The following NUP85 variants were observed in gnomAD, a reference collection of about 807,000 sequenced individuals.
The protein encoded by NUP85 is nuclear pore complex protein Nup85.
Under a neutral mutation model 92.8 loss-of-function variants are expected in NUP85, and 23 were observed. That is an observed-to-expected ratio of 0.25 (90% CI 0.18 to 0.35). The LOEUF (loss-of-function observed/expected upper bound fraction) is 0.35. Ranked by LOEUF, NUP85 falls within the 10% of genes least tolerant of loss-of-function variation. NUP85 has a pLI of 1.00. For synonymous variants in NUP85, 314 were observed against 306.9 expected (o/e 1.02, Z -0.24); for missense variants, 759 against 822.8 (o/e 0.92, Z 0.95).
chr17:75,233,659 C>A (rs1187390231), intron 16 of NUP85, among the ~76,000 whole-genome samples: 1 of 149,976 alleles, frequency 6.7e-6, no homozygotes, highest in African/African-American at 2.5e-5. Flanking sequence ...AGTGCAGTGG[C>A]GTGATCTCGG....
Position 75,231,499 on chromosome 17 carries a change from A to G in NUP85, c.1179-74A>G. 1 of 1,609,330 alleles carries G rather than the reference A, an allele frequency of 6.2e-7. No individual in the cohort carries two copies. Among genetic ancestry groups the G allele is most frequent in the Non-Finnish European group, 8.5e-7 (1 of 1,175,674 alleles). The stretch of plus-strand genomic sequence containing the variant: ...AGGGTGGTGTGAACTGAATGCCTGA[A>G]AGGGAGGTTGGGCTAAGGGGGCCCT... On this transcript the variant is annotated intron_variant, in intron 12 of 18. Transcript: ENST00000245544. This position sits in a 1 kb window ranked among gnomAD's most constrained non-coding sequence, Gnocchi z 4.6.
At chr17:75,222,832 A>G (rs543660270) in intron 7 of NUP85, among the ~76,000 whole-genome samples, 124 of 151,918 alleles carry the variant, frequency 8.2e-4, no homozygotes, top group Non-Finnish European at 1.5e-3. Context: ...TCAGGAGATC[A>G]AGACCATCCT....
intron 11 of NUP85, chr17:75,227,110 G>A (rs932995080): frequency 2.5e-5 from 4 of 158,536 alleles, no homozygotes; most frequent in African/African-American, 9.6e-5. Flanking sequence ...CACTGAAGAC[G>A]TGCTGGGAAG....
chr17:75,215,191 A>G (rs1425027296), intron 5 of NUP85, among the ~76,000 whole-genome samples: 1 of 151,998 alleles, frequency 6.6e-6, no homozygotes, highest in East Asian at 1.9e-4. Flanking sequence ...ATAAATAATA[A>G]CTGGTGACAT....
intron 7 of NUP85, among the ~76,000 whole-genome samples, chr17:75,224,303 C>T (rs2075695096): frequency 6.6e-6 from 1 of 151,982 alleles, no homozygotes; most frequent in African/African-American, 2.4e-5. Flanking sequence ...TCTTGGCCTC[C>T]CAAAGTGCTG....
rs555989826 is a variant in NUP85 at position 75,231,223 on chromosome 17, C to G, written c.1095-117C>G. ...GGATCACGGGCATGAGCTATCATCA[C>G]GCCCGGCCCCATCTCTTTGAGGGAC... On this transcript the variant is annotated intron_variant, in intron 11 of 18. Transcript: ENST00000245544. This position sits in a 1 kb window ranked among gnomAD's most constrained non-coding sequence, Gnocchi z 4.6. 3.1e-6 allele frequency: 3 copies of G among 953,868 alleles called. No individual in the cohort carries two copies. Among genetic ancestry groups the G allele is most frequent in the Non-Finnish European group, 3.3e-6 (2 of 602,244 alleles). The allele number at this position is 953,868 out of a possible 1,614,324, so 59.1% of individuals were successfully genotyped here. A position where few individuals can be genotyped will look rare whatever the true frequency, so the allele number is the denominator to read the frequency against.
intron 7 of NUP85, among the ~76,000 whole-genome samples, chr17:75,220,180 A>C (rs1359700652): frequency 6.6e-6 from 1 of 152,018 alleles, no homozygotes; most frequent in Admixed American, 6.6e-5. Context: ...GCTGGAGTGC[A>C]GTGGCGCCAT....
chr17:75,214,481 A>G (rs1264704179), intron 5 of NUP85, among the ~76,000 whole-genome samples: 3 of 152,180 alleles, frequency 2.0e-5, no homozygotes, highest in African/African-American at 7.2e-5. Flanking sequence ...TGCTCTGTCT[A>G]CGTGTTTCAT....
chr17:75,234,815 C>G (rs1478598672), intron 17 of NUP85, 27 bp downstream of exon 17: 1 of 1,613,058 alleles, frequency 6.2e-7, no homozygotes, highest in East Asian at 2.2e-5. Flanking sequence ...CAGTGGTTTT[C>G]TTTGCTTGTC....
chr17:75,222,636 G>T (rs780072934), intron 7 of NUP85, among the ~76,000 whole-genome samples: 39 of 151,502 alleles, frequency 2.6e-4, no homozygotes, highest in Non-Finnish European at 2.9e-4. Context: ...GTTCCTGCAA[G>T]CCTCTGGTCA....
At chr17:75,206,223 T>C (rs971690799) in intron 1 of NUP85, among the ~76,000 whole-genome samples, 7 of 152,170 alleles carry the variant, frequency 4.6e-5, no homozygotes, top group Non-Finnish European at 7.3e-5. Flanking sequence ...ACTATTCCTG[T>C]TTTATCGCTG....
At chr17:75,210,561 G>C (rs1408654093) in intron 3 of NUP85, among the ~76,000 whole-genome samples, 1 of 152,156 alleles carries the variant, frequency 6.6e-6, no homozygotes, top group Non-Finnish European at 1.5e-5. Context: ...TTAGATTTTT[G>C]TCAGCGTCCC....
chr17:75,228,030 AAC>A (rs2075890539), intron 11 of NUP85: 1 of 191,660 alleles, frequency 5.2e-6, no homozygotes. Flanking sequence ...ATAACTTAAA[AAC>A]ACACAAACAC....
intron 7 of NUP85, among the ~76,000 whole-genome samples, chr17:75,220,317 G>A (rs1481351241): frequency 6.6e-6 from 1 of 151,834 alleles, no homozygotes; most frequent in African/African-American, 2.4e-5. Flanking sequence ...TAGGGATGGG[G>A]TTTTACCATA....
At chr17:75,232,353 A>G (rs189724608) in intron 14 of NUP85, among the ~76,000 whole-genome samples, 2 of 152,306 alleles carry the variant, frequency 1.3e-5, no homozygotes, top group East Asian at 3.9e-4. Flanking sequence ...AGAAAAGCAG[A>G]GAGAGTGGAA....
At chr17:75,209,208 G>A (rs1450784618) in intron 2 of NUP85, among the ~76,000 whole-genome samples, 3 of 152,064 alleles carry the variant, frequency 2.0e-5, no homozygotes, top group Admixed American at 1.3e-4. Flanking sequence ...ATGCTTGGCC[G>A]TCACTTTTGT....
Position 75,225,137 on chromosome 17 carries a change from A to C in NUP85, c.632A>C (p.Glu211Ala). ...TTGGTGCTGCAGGGCCGGCTGGATG[A>C]GGCCCGACAGATGCTCTCCAAGGAA... ...TILVLQGRLD[E>A]ARQMLSKEAD... The change falls in exon 8 of 19, where the codon GAG becomes GCG. Residue 211 changes from glutamate to alanine, a missense_variant. Coordinates refer to ENST00000245544, the MANE Select transcript of NUP85 (RefSeq NM_024844.5). The C allele has an allele frequency of 3.8e-6, 6 of 1,594,110 alleles. No homozygotes were observed. Among genetic ancestry groups the C allele is most frequent in the Non-Finnish European group, 4.3e-6 (5 of 1,168,544 alleles).
chr17:75,225,388 A>G lies in NUP85; in HGVS notation c.779A>G (p.His260Arg), dbSNP rs925684897. 5.6e-6 allele frequency: 9 copies of G among 1,614,242 alleles called. No individual in the cohort carries two copies. The highest frequency in any genetic ancestry group is 6.8e-6 in the Non-Finnish European group (8 of 1,180,046). Residue 260 changes from histidine (H) to arginine (R), a missense_variant, in exon 9 of 19, where the codon CAC becomes CGC. Physicochemically the swap from His to Arg is conservative, Grantham distance 29. Transcript: ENST00000245544. ...TLTELELKWQ[H>R]WHEECERYLQ... Reference sequence around the variant, plus strand: ...ACAGAGCTGGAGCTGAAGTGGCAGCACTGGCACGAGGAATGTGAGCGGTAC... The same window carrying G: ...ACAGAGCTGGAGCTGAAGTGGCAGCGCTGGCACGAGGAATGTGAGCGGTAC...
At position 75,210,902 on chromosome 17, in the gene NUP85, C is replaced by T. The variant is rs564245255; in HGVS notation, c.290+917C>T. ...ATTTTTAGTAGAGACGGGGTTTCAC[C>T]GTGTTAGCCAGGATGGTCTCGATCT... On this transcript the variant is annotated intron_variant, in intron 3 of 18. Coordinates refer to ENST00000245544, the MANE Select transcript of NUP85 (RefSeq NM_024844.5). Among the ~76,000 whole-genome samples, 251 of 151,460 alleles carry T rather than the reference C, an allele frequency of 1.7e-3. 3 individuals carry two copies. Among genetic ancestry groups the T allele is most frequent in the Non-Finnish European group, 3.1e-3 (211 of 67,950 alleles).
Sources: allele counts gnomAD v4.1 joint callset (sites outside exome capture counted in the v4.1 genomes callset), GRCh38; gene constraint gnomAD v4.1.1; non-coding constraint Gnocchi (gnomAD v3.1); transcripts MANE v1.5; gene names NCBI Gene and HGNC (gene_info 2026-07-23, HGNC 2026-07-21).